WWC1: variants seen among roughly 807,000 people sequenced by gnomAD.
The protein encoded by WWC1 is WW and C2 domain containing 1.
Under a neutral mutation model 138.4 loss-of-function variants are expected in WWC1, and 55 were observed. The observed-to-expected ratio is 0.40, with a 90% CI of 0.32 to 0.50. WWC1 has a LOEUF of 0.50. WWC1 is among the 20% of genes least tolerant of loss of function. The pLI is 0.72. For synonymous variants in WWC1, 524 were observed against 564.9 expected, an observed-to-expected ratio of 0.93 and a Z score of 1.03; for missense variants, 1,226 against 1,420.4, an observed-to-expected ratio of 0.86 and a Z score of 2.20.
chr5:168,301,697 G>T (rs1770097399), intron 1 of WWC1, among the ~76,000 whole-genome samples: 4 of 151,268 alleles, frequency 2.6e-5, no homozygotes, highest in African/African-American at 4.8e-5. Flanking sequence ...TATAAAACAA[G>T]GATAAGAATA....
chr5:168,437,762 A>G (rs1754366788), intron 15 of WWC1, among the ~76,000 whole-genome samples: 1 of 152,214 alleles, frequency 6.6e-6, no homozygotes, highest in Non-Finnish European at 1.5e-5. Flanking sequence ...ATTAATAATA[A>G]TCTGCTGGAG....
chr5:168,349,042 G>T (rs533354578), intron 1 of WWC1, among the ~76,000 whole-genome samples: 31 of 152,250 alleles, frequency 2.0e-4, no homozygotes, highest in Admixed American at 1.2e-3. Flanking sequence ...GCACAGCAAG[G>T]TTAATACGCC....
At chr5:168,430,317 G>T in intron 14 of WWC1, 94 bp downstream of exon 14, 1 of 1,035,324 alleles carries the variant, frequency 9.7e-7, no homozygotes, top group Non-Finnish European at 1.4e-6. Context: ...TCCAGTTATG[G>T]GCCTTGTCAA....
In WWC1 at chr5:168,414,479, G is replaced by T. The variant is rs201176909; in HGVS notation, c.1073G>T (p.Ser358Ile). 9.6e-6 allele frequency: 15 copies of T among 1,563,824 alleles called. No individual in the cohort carries two copies. The East Asian group carries it at 2.9e-4, about 30-fold the overall frequency. Residue 358 changes from serine to isoleucine, a missense_variant, in exon 9 of 23, where the codon AGC becomes ATC. Ser to Ile is a moderately radical substitution (Grantham distance 142). Coordinates refer to ENST00000265293, the MANE Select transcript of WWC1 (RefSeq NM_015238.3). Reference protein sequence around the residue: ...EELLKEMRFISPRKWTQGEVE... With the variant: ...EELLKEMRFIIPRKWTQGEVE... ...CTGCTGAAGGAGATGCGCTTCATCA[G>T]CCCCCGCAAGTGGACCCAGGGGGAG... is the stretch of plus-strand genomic sequence containing the variant.
At chr5:168,332,317 G>A (rs1477263677) in intron 1 of WWC1, among the ~76,000 whole-genome samples, 2 of 152,110 alleles carry the variant, frequency 1.3e-5, no homozygotes, top group East Asian at 3.9e-4. Flanking sequence ...GGAAAAGAGA[G>A]TCATATAATA....
chr5:168,456,462 G>A (rs1450490048), intron 19 of WWC1, among the ~76,000 whole-genome samples: 1 of 152,004 alleles, frequency 6.6e-6, no homozygotes, highest in African/African-American at 2.4e-5. Flanking sequence ...GTGAAATCCT[G>A]TCTCTGCTAA....
At chr5:168,468,097 T>C (rs1757450378) in intron 22 of WWC1, 133 bp downstream of exon 22, 14 of 1,435,748 alleles carry the variant, frequency 9.8e-6, no homozygotes, top group Non-Finnish European at 1.1e-5. Flanking sequence ...ATGTTCATCC[T>C]CCGCCAAGCC....
chr5:168,448,327 C>T (rs968868808), intron 17 of WWC1, among the ~76,000 whole-genome samples: 4 of 152,170 alleles, frequency 2.6e-5, no homozygotes, highest in Admixed American at 6.6e-5. Flanking sequence ...ACCCAAAACC[C>T]GGCGTGTCAC....
intron 20 of WWC1, among the ~76,000 whole-genome samples, chr5:168,461,553 T>C (rs552957162): frequency 6.6e-6 from 1 of 152,254 alleles, no homozygotes; most frequent in East Asian, 1.9e-4. Context: ...CAGACTTGCC[T>C]TGCGGAAGTC....
chr5:168,469,123 C>A lies in WWC1; in HGVS notation c.*106C>A. ...ATGAAGGTACTGAGTCACAAGTCCT[C>A]TAGTGCTCTTGTTGGTTTGAAGATG... On this transcript the variant is annotated 3_prime_UTR_variant, in exon 23 of 23. Coordinates refer to ENST00000265293, the MANE Select transcript of WWC1 (RefSeq NM_015238.3). 1.5e-6 allele frequency: 2 copies of A among 1,368,192 alleles called. No homozygotes were observed. Among genetic ancestry groups the A allele is most frequent in the Non-Finnish European group, 2.1e-6 (2 of 970,936 alleles). 84.8% of individuals were successfully genotyped at this position (1,368,192 alleles called of 1,614,324 possible).
At position 168,379,601 on chromosome 5, in the gene WWC1, T is replaced by G. The variant is rs180719629; in HGVS notation, c.230-5610T>G. ...TTTTAATAGAGATGGGGTTTCGCCA[T>G]GTTGGTCAGGCTGGTCTTGAACTCC... On this transcript the variant is annotated intron_variant, in intron 2 of 22. Transcript: ENST00000265293. Among the ~76,000 whole-genome samples, 604 of 152,270 alleles carry G rather than the reference T, an allele frequency of 4.0e-3. 6 individuals are homozygous for G. Among genetic ancestry groups the G allele is most frequent in the African/African-American group, 0.014 (570 of 41,544 alleles).
intron 1 of WWC1, among the ~76,000 whole-genome samples, chr5:168,308,736 A>G (rs1047397793): frequency 6.6e-6 from 1 of 152,234 alleles, no homozygotes; most frequent in Non-Finnish European, 1.5e-5. Flanking sequence ...AGAACCACTG[A>G]TCAAGGGAAT....
intron 1 of WWC1, among the ~76,000 whole-genome samples, chr5:168,325,651 A>C (rs970155417): frequency 6.6e-6 from 1 of 152,200 alleles, no homozygotes; most frequent in Non-Finnish European, 1.5e-5. Context: ...CTTTTTAAAA[A>C]ATTGTGGTAA....
intron 7 of WWC1, 143 bp from the exon 8 acceptor site, chr5:168,409,779 G>T: frequency 2.5e-6 from 2 of 785,276 alleles, no homozygotes; most frequent in African/African-American, 1.7e-5. Context: ...GCTTCCCTGC[G>T]ATCTGCACCG....
intron 1 of WWC1, among the ~76,000 whole-genome samples, chr5:168,320,426 A>G (rs557227131): frequency 1.1e-4 from 17 of 152,246 alleles, no homozygotes; most frequent in African/African-American, 4.1e-4. Context: ...TTAGAAGCCA[A>G]ACTCCCAGGT....
intron 9 of WWC1, chr5:168,416,355 A>G (rs765535682): frequency 2.0e-5 from 3 of 152,258 alleles, no homozygotes; most frequent in Non-Finnish European, 4.4e-5. Context: ...GGTGTTCTGC[A>G]GCCCTTGGAA....
At chr5:168,458,766 T>G (rs1756552624) in intron 19 of WWC1, among the ~76,000 whole-genome samples, 3 of 152,208 alleles carry the variant, frequency 2.0e-5, no homozygotes, top group Admixed American at 1.3e-4. Context: ...CTACCATGTC[T>G]GAGATTAAAT....
intron 1 of WWC1, among the ~76,000 whole-genome samples, chr5:168,357,489 TGTGTGCGC>T (rs1464518489): frequency 4.0e-4 from 26 of 65,336 alleles, no homozygotes; most frequent in African/African-American, 1.6e-3. Context: ...TGTGTGTGTG[TGTGTGCGC>T]GCGCGCACGC....
chr5:168,291,930 G>T lies in WWC1; in HGVS notation c.-223G>T. 1 of 270,762 alleles carries T rather than the reference G, an allele frequency of 3.7e-6. No homozygotes were observed. The highest frequency in any genetic ancestry group is 6.6e-6 in the Non-Finnish European group (1 of 150,838). The allele number at this position is 270,762 out of a possible 1,614,324, so 16.8% of individuals were successfully genotyped here. On this transcript the variant is annotated 5_prime_UTR_variant, in exon 1 of 23. It adds an upstream start codon to the 5' untranslated region. Coordinates refer to ENST00000265293, the MANE Select transcript of WWC1 (RefSeq NM_015238.3). ...TGCGGACGCACATGGCAGCGTGAGA[G>T]GCCGGCGGCGGGAGGAGCGGGCGGC...
Sources: allele counts gnomAD v4.1 joint callset (sites outside exome capture counted in the v4.1 genomes callset), GRCh38; gene constraint gnomAD v4.1.1; transcripts MANE v1.5; gene names NCBI Gene and HGNC (gene_info 2026-07-23, HGNC 2026-07-21).